GABRG1: variants seen among roughly 807,000 people sequenced by gnomAD.
GABRG1 encodes gamma-aminobutyric acid receptor subunit gamma-1.
Under a neutral mutation model 49.8 loss-of-function variants are expected in GABRG1, and 49 were observed. The ratio of observed to expected loss-of-function variants is 0.98; its 90% CI spans 0.78 to 1.25. The LOEUF is 1.25. Ranked by LOEUF, GABRG1 falls within the 50% of genes most tolerant of loss-of-function variation. The probability of loss-of-function intolerance (pLI) is 0.00; values close to 1 mark genes in which losing one functional copy is unlikely to be tolerated. For synonymous variants in GABRG1, 232 were observed against 185.1 expected (o/e 1.25, Z -2.06); for missense variants, 552 against 552.3 (o/e 1.00, Z 0.01).
intron 1 of GABRG1, among the ~76,000 whole-genome samples, chr4:46,115,135 A>G (rs572174315): frequency 1.2e-4 from 18 of 150,932 alleles, no homozygotes; most frequent in South Asian, 6.2e-4. Flanking sequence ...AATTTATAAG[A>G]TATTATTTAA....
At chr4:46,066,767 T>A (rs973993461) in intron 3 of GABRG1, among the ~76,000 whole-genome samples, 27 of 151,840 alleles carry the variant, frequency 1.8e-4, no homozygotes, top group Admixed American at 6.6e-5. Flanking sequence ...ATTACAGGCA[T>A]TTAACATATA....
chr4:46,107,360 G>A (rs986119332), intron 1 of GABRG1, among the ~76,000 whole-genome samples: 4 of 151,090 alleles, frequency 2.6e-5, no homozygotes, highest in African/African-American at 7.3e-5. Context: ...TGTACACAAT[G>A]CTTTATTTTT....
chr4:46,076,375 A>ATT lies in GABRG1; in HGVS notation c.321+7610_321+7611insAA, dbSNP rs1211660064. ...TTAGGTCATGTTCATATATATATAT[A>ATT]TATATATATATATATATATATATAT... On this transcript the variant is annotated intron_variant, in intron 3 of 8. Coordinates refer to ENST00000295452, the MANE Select transcript of GABRG1 (RefSeq NM_173536.4). Among the ~76,000 whole-genome samples the ATT allele has an allele frequency of 1.2e-4, 16 of 129,800 alleles. No homozygotes were observed. In the East Asian group the frequency reaches 3.4e-3, roughly 28 times the overall value. The allele number at this position is 129,800 out of a possible 152,430, so 85.2% of individuals were successfully genotyped here.
At chr4:46,086,614 A>C (rs559932147) in intron 2 of GABRG1, among the ~76,000 whole-genome samples, 13 of 151,530 alleles carry the variant, frequency 8.6e-5, no homozygotes, top group Non-Finnish European at 1.6e-4. Flanking sequence ...AAATAGTCCC[A>C]CTTATTCAGA....
Position 46,072,572 on chromosome 4 carries a change from G to C in GABRG1, c.322-6988C>G, listed in dbSNP as rs561455241. ...TCTTGTCATTTTGTTCCATCTCTTG[G>C]TCTCTCTGAAGTTTGCTTCATATTT... On this transcript the variant is annotated intron_variant, in intron 3 of 8. Transcript: ENST00000295452. 1.3e-3 allele frequency among the ~76,000 whole-genome samples: 197 copies of C among 151,984 alleles called. 3 individuals carry two copies. The highest frequency in any genetic ancestry group is 2.9e-3 in the Admixed American group (44 of 15,230).
chr4:46,116,644 G>A (rs577572414), intron 1 of GABRG1, among the ~76,000 whole-genome samples: 1 of 150,736 alleles, frequency 6.6e-6, no homozygotes, highest in Non-Finnish European at 1.5e-5. Context: ...ATTGACAAAA[G>A]ATTGTCTTAG....
chr4:46,111,522 C>T (rs1347725786), intron 1 of GABRG1, among the ~76,000 whole-genome samples: 1 of 151,102 alleles, frequency 6.6e-6, no homozygotes, highest in African/African-American at 2.4e-5. Flanking sequence ...AAAAAAGGAG[C>T]CCAAATAGCC....
At chr4:46,097,463 G>A (rs1720218079) in intron 1 of GABRG1, 114 bp from the exon 2 acceptor site, 10 of 948,848 alleles carry the variant, frequency 1.1e-5, no homozygotes, top group East Asian at 5.3e-5. Flanking sequence ...AGACAAAAAG[G>A]TATTACACTA....
chr4:46,059,234 A>G (rs547502005), intron 5 of GABRG1, among the ~76,000 whole-genome samples: 1 of 152,280 alleles, frequency 6.6e-6, no homozygotes. Flanking sequence ...ACATTGCTCT[A>G]GTAACATTAT....
chr4:46,122,616 AC>A (rs1439668221), intron 1 of GABRG1, among the ~76,000 whole-genome samples: 2 of 152,238 alleles, frequency 1.3e-5, no homozygotes, highest in East Asian at 3.9e-4. Flanking sequence ...TACTTAGCCT[AC>A]TTTAATCCAA....
intron 1 of GABRG1, among the ~76,000 whole-genome samples, chr4:46,115,906 A>G (rs1720869072): frequency 6.6e-6 from 1 of 150,802 alleles, no homozygotes; most frequent in Non-Finnish European, 1.5e-5. Context: ...CATTTAAAAA[A>G]TTAATTGGTA....
chr4:46,048,081 C>T (rs1206173428), intron 8 of GABRG1, among the ~76,000 whole-genome samples: 1 of 151,962 alleles, frequency 6.6e-6, no homozygotes, highest in Admixed American at 6.6e-5. Context: ...GCCGAATATT[C>T]AAGTTTCAAC....
At position 46,093,143 on chromosome 4, in the gene GABRG1, A is replaced by T. The variant is rs142217048; in HGVS notation, c.253+4058T>A. On this transcript the variant is annotated intron_variant, in intron 2 of 8. Coordinates refer to ENST00000295452, the MANE Select transcript of GABRG1 (RefSeq NM_173536.4). ...AGATATATAATATCAATCAAATTAA[A>T]TGTTATAGCAAAATGTATTCTACAG... is the stretch of plus-strand genomic sequence containing the variant. Among the ~76,000 whole-genome samples, 929 of 152,024 alleles carry T rather than the reference A, an allele frequency of 6.1e-3. 10 individuals carry two copies. Among genetic ancestry groups the T allele is most frequent in the African/African-American group, 0.021 (879 of 41,490 alleles).
intron 3 of GABRG1, among the ~76,000 whole-genome samples, chr4:46,076,841 C>T (rs980072307): frequency 2.6e-5 from 4 of 151,644 alleles, no homozygotes; most frequent in African/African-American, 9.7e-5. Context: ...GTTTTCTAGG[C>T]ATTCAAAATA....
chr4:46,109,017 T>C (rs890548335), intron 1 of GABRG1, among the ~76,000 whole-genome samples: 3 of 151,138 alleles, frequency 2.0e-5, no homozygotes, highest in African/African-American at 4.8e-5. Context: ...CCCTGGATCT[T>C]AGTTGGAGGG....
intron 2 of GABRG1, among the ~76,000 whole-genome samples, chr4:46,094,271 G>A (rs959647465): frequency 6.6e-6 from 1 of 151,930 alleles, no homozygotes; most frequent in African/African-American, 2.4e-5. Context: ...CAAAATGACT[G>A]TAAATGTCAA....
intron 1 of GABRG1, among the ~76,000 whole-genome samples, chr4:46,115,176 C>G (rs1720845533): frequency 6.7e-6 from 1 of 150,330 alleles, no homozygotes; most frequent in Non-Finnish European, 1.5e-5. Flanking sequence ...CTTTTTCTGG[C>G]AAGAATAAAA....
At chr4:46,112,665 A>G (rs939577424) in intron 1 of GABRG1, among the ~76,000 whole-genome samples, 6 of 151,096 alleles carry the variant, frequency 4.0e-5, no homozygotes, top group African/African-American at 1.5e-4. Context: ...CCATTAAAAA[A>G]CAACAAAATT....
chr4:46,114,228 A>G (rs1415255708), intron 1 of GABRG1, among the ~76,000 whole-genome samples: 4 of 151,214 alleles, frequency 2.6e-5, no homozygotes, highest in African/African-American at 9.7e-5. Context: ...GAATTTTATT[A>G]TATGTGCAGC....
Sources: allele counts gnomAD v4.1 joint callset (sites outside exome capture counted in the v4.1 genomes callset), GRCh38; gene constraint gnomAD v4.1.1; transcripts MANE v1.5; gene names NCBI Gene and HGNC (gene_info 2026-07-23, HGNC 2026-07-21).